OPCML: variants seen among roughly 807,000 people sequenced by gnomAD.
The protein encoded by OPCML is opioid binding protein/cell adhesion molecule like, also known as opioid-binding protein/cell adhesion molecule.
Under a neutral mutation model 37.8 loss-of-function variants are expected in OPCML, and 13 were observed. That is an observed-to-expected ratio of 0.34 (90% CI 0.22 to 0.55). The LOEUF is 0.55. Among genes scored for constraint, OPCML ranks in the 20% least tolerant of loss-of-function variants. The pLI, the probability that OPCML is intolerant of heterozygous loss-of-function variation, is 0.91. For synonymous variants in OPCML, 176 were observed against 168.8 expected (o/e 1.04, Z -0.33); for missense variants, 341 against 435.6 (o/e 0.78, Z 1.93).
At chr11:133,213,802 A>G (rs936146234) in intron 1 of OPCML, among the ~76,000 whole-genome samples, 1 of 152,192 alleles carries the variant, frequency 6.6e-6, no homozygotes. Flanking sequence ...TATCATGTTT[A>G]TTGATCTTAT....
chr11:133,462,888 T>G (rs1251362250), intron 1 of OPCML, among the ~76,000 whole-genome samples: 1 of 152,108 alleles, frequency 6.6e-6, no homozygotes, highest in African/African-American at 2.4e-5. Flanking sequence ...GTGGCCATGT[T>G]TATAATAGCC....
intron 2 of OPCML, among the ~76,000 whole-genome samples, chr11:132,777,384 T>G (rs777944542): frequency 3.3e-5 from 5 of 152,068 alleles, no homozygotes; most frequent in Non-Finnish European, 5.9e-5. Context: ...TCCAAAACAA[T>G]GAAACCTTGA....
At chr11:132,798,046 C>A (rs1938434133) in intron 2 of OPCML, among the ~76,000 whole-genome samples, 1 of 152,082 alleles carries the variant, frequency 6.6e-6, no homozygotes, top group East Asian at 1.9e-4. Context: ...AACCCTGCTG[C>A]TGATTTATTA....
rs561954164 is a variant in OPCML, at chr11:133,511,550, A to T, written c.61+20714T>A. Among the ~76,000 whole-genome samples, 3 of 152,246 alleles carry T rather than the reference A, an allele frequency of 2.0e-5. No homozygotes were observed. The South Asian group carries it at 6.2e-4, about 32-fold the overall frequency. Reference sequence around the variant, plus strand: ...CATGCCCTGAGGTCTTGCACCAGCCAGTCCTTCTGCCTGGAATGCCCTTTC... The same window carrying T: ...CATGCCCTGAGGTCTTGCACCAGCCTGTCCTTCTGCCTGGAATGCCCTTTC... On this transcript the variant is annotated intron_variant, in intron 1 of 7. Transcript: ENST00000524381.
At chr11:132,427,310 G>A (rs1939966) in intron 7 of OPCML, among the ~76,000 whole-genome samples, 42,966 of 152,124 alleles carry the variant, frequency 0.28, 6,240 homozygotes, top group Non-Finnish European at 0.31. Flanking sequence ...GAGGAACCAA[G>A]AGGATAATGA....
intron 1 of OPCML, among the ~76,000 whole-genome samples, chr11:133,180,574 TGAA>T (rs1937776171): frequency 6.6e-6 from 1 of 152,024 alleles, no homozygotes; most frequent in African/African-American, 2.4e-5. Flanking sequence ...CCTTTCAACT[TGAA>T]GAAGGGAAAT....
intron 4 of OPCML, among the ~76,000 whole-genome samples, chr11:132,479,378 C>T (rs1333206899): frequency 6.6e-6 from 1 of 152,186 alleles, no homozygotes; most frequent in Non-Finnish European, 1.5e-5. Context: ...GGTCCTATGC[C>T]CACGGAATCT....
chr11:132,980,143 G>A (rs1946551840), intron 1 of OPCML, among the ~76,000 whole-genome samples: 2 of 152,136 alleles, frequency 1.3e-5, no homozygotes, highest in Non-Finnish European at 2.9e-5. Context: ...TTGATGAAGG[G>A]ACAAAGGAAG....
At chr11:133,078,696 A>T (rs994077887) in intron 1 of OPCML, among the ~76,000 whole-genome samples, 2 of 152,206 alleles carry the variant, frequency 1.3e-5, no homozygotes, top group Non-Finnish European at 2.9e-5. Context: ...CACCACGGGC[A>T]GCTCCCTGAG....
At chr11:133,103,245 C>T (rs1038779405) in intron 1 of OPCML, among the ~76,000 whole-genome samples, 1 of 152,162 alleles carries the variant, frequency 6.6e-6, no homozygotes, top group Non-Finnish European at 1.5e-5. Context: ...AACCTTTACA[C>T]GTCTACTAGT....
chr11:133,157,407 C>T (rs1041311410), intron 1 of OPCML, among the ~76,000 whole-genome samples: 8 of 152,160 alleles, frequency 5.3e-5, no homozygotes, highest in Non-Finnish European at 1.2e-4. Flanking sequence ...GGGGACACAA[C>T]GTCAGCTGTC....
intron 1 of OPCML, among the ~76,000 whole-genome samples, chr11:133,262,103 G>T (rs943621782): frequency 6.6e-6 from 1 of 152,076 alleles, no homozygotes; most frequent in African/African-American, 2.4e-5. Flanking sequence ...AATTATATAC[G>T]CTTTTGATGT....
At chr11:133,280,987 T>C (rs1345834392) in intron 1 of OPCML, among the ~76,000 whole-genome samples, 1 of 152,142 alleles carries the variant, frequency 6.6e-6, no homozygotes, top group Non-Finnish European at 1.5e-5. Context: ...TTAGGGAAGA[T>C]TATCCCAACC....
intron 1 of OPCML, among the ~76,000 whole-genome samples, chr11:133,028,603 A>G (rs1947608971): frequency 6.6e-6 from 1 of 151,988 alleles, no homozygotes; most frequent in Non-Finnish European, 1.5e-5. Context: ...TGAATTGTAC[A>G]GACTACTCAG....
At chr11:133,209,763 T>A (rs1169929695) in intron 1 of OPCML, among the ~76,000 whole-genome samples, 3 of 152,198 alleles carry the variant, frequency 2.0e-5, no homozygotes, top group African/African-American at 7.2e-5. Flanking sequence ...AAAAGGCAAC[T>A]AAAGAAATGA....
intron 2 of OPCML, among the ~76,000 whole-genome samples, chr11:132,899,794 A>G (rs936139133): frequency 3.3e-5 from 5 of 152,100 alleles, no homozygotes; most frequent in Admixed American, 2.0e-4. Flanking sequence ...TGGGACCTAG[A>G]CAGAACAAAA....
chr11:133,386,306 A>G (rs552547259), intron 1 of OPCML, among the ~76,000 whole-genome samples: 1 of 152,384 alleles, frequency 6.6e-6, no homozygotes, highest in South Asian at 2.1e-4. Flanking sequence ...AATTAGCAGA[A>G]GAAATAGACT....
intron 1 of OPCML, among the ~76,000 whole-genome samples, chr11:133,207,179 T>A (rs971100737): frequency 4.0e-4 from 60 of 150,512 alleles, no homozygotes; most frequent in Non-Finnish European, 3.0e-4. Flanking sequence ...GGGCACCTGT[T>A]GTCCCAGCTA....
chr11:132,741,703 A>G (rs1223655237), intron 2 of OPCML, among the ~76,000 whole-genome samples: 1 of 152,176 alleles, frequency 6.6e-6, no homozygotes, highest in African/African-American at 2.4e-5. Context: ...TTCGATATTC[A>G]TTCATTTAAA....
Sources: gnomAD v4.1 joint callset for allele counts (sites outside exome capture counted in the v4.1 genomes callset) on GRCh38, gnomAD v4.1.1 for gene constraint, MANE v1.5 for transcripts, NCBI Gene and HGNC (gene_info 2026-07-23, HGNC 2026-07-21) for gene names.